Variants in PPIL1 observed in about 807,000 individuals in gnomAD.
The protein encoded by PPIL1 is peptidylprolyl isomerase like 1.
In PPIL1, 14 loss-of-function variants were observed where a neutral mutation model predicts 19.4. The ratio of observed to expected loss-of-function variants is 0.72; its 90% CI spans 0.48 to 1.13. The LOEUF (loss-of-function observed/expected upper bound fraction) is 1.13. PPIL1 is among the 50% of genes most tolerant of loss of function. PPIL1 has a pLI of 0.00. For missense variants in PPIL1, 192 were observed against 218.0 expected (o/e 0.88, Z 0.75); for synonymous variants, 72 against 73.6 (o/e 0.98, Z 0.11).
At chr6:36,873,728 T>C (rs550767992) in intron 1 of PPIL1, among the ~76,000 whole-genome samples, 10 of 151,974 alleles carry the variant, frequency 6.6e-5, no homozygotes, top group African/African-American at 1.9e-4. Flanking sequence ...CATGAGCAAA[T>C]AGAGAGAGGA....
intron 2 of PPIL1, among the ~76,000 whole-genome samples, chr6:36,859,167 C>T (rs1191073989): frequency 6.6e-6 from 1 of 152,132 alleles, no homozygotes; most frequent in African/African-American, 2.4e-5. Context: ...TGGCTCACAC[C>T]TGTAATTCCA....
At chr6:36,856,452 C>T in intron 3 of PPIL1, 134 bp downstream of exon 3, 2 of 764,460 alleles carry the variant, frequency 2.6e-6, no homozygotes, top group Non-Finnish European at 4.5e-6. Context: ...TCCACCAGGG[C>T]ACTTCATGGC....
intron 3 of PPIL1, 54 bp downstream of exon 3, chr6:36,856,532 A>C: frequency 6.6e-7 from 1 of 1,507,890 alleles, no homozygotes; most frequent in Non-Finnish European, 9.2e-7. Flanking sequence ...TGGCCAAAAG[A>C]GTGAGCTTTT....
At chr6:36,862,122 T>C (rs1277362659) in intron 2 of PPIL1, among the ~76,000 whole-genome samples, 1 of 152,208 alleles carries the variant, frequency 6.6e-6, no homozygotes, top group Non-Finnish European at 1.5e-5. Flanking sequence ...GCATGGGACA[T>C]GCAGTGTCTT....
intron 2 of PPIL1, among the ~76,000 whole-genome samples, chr6:36,865,292 T>A (rs528120888): frequency 7.2e-5 from 11 of 152,206 alleles, no homozygotes; most frequent in Non-Finnish European, 1.5e-4. Flanking sequence ...GAGTCCCAAA[T>A]GGTCCCTGAG....
At chr6:36,873,548 G>T (rs1014758849) in intron 1 of PPIL1, among the ~76,000 whole-genome samples, 1 of 152,192 alleles carries the variant, frequency 6.6e-6, no homozygotes, top group African/African-American at 2.4e-5. Context: ...CAGGAAGGAG[G>T]TGACTTTCAC....
chr6:36,870,243 A>C (rs1774481318), intron 2 of PPIL1, among the ~76,000 whole-genome samples: 1 of 152,230 alleles, frequency 6.6e-6, no homozygotes, highest in African/African-American at 2.4e-5. Flanking sequence ...AACGAGCAGA[A>C]ATTAGCAGAG....
chr6:36,874,095 C>A (rs1273174526), intron 1 of PPIL1, among the ~76,000 whole-genome samples: 1 of 152,162 alleles, frequency 6.6e-6, no homozygotes, highest in Non-Finnish European at 1.5e-5. Flanking sequence ...TTGGTCAAGG[C>A]TTTAAGCTGT....
chr6:36,866,373 G>C (rs1774393959), intron 2 of PPIL1, among the ~76,000 whole-genome samples: 2 of 152,128 alleles, frequency 1.3e-5, no homozygotes, highest in South Asian at 4.1e-4. Context: ...GAAGAGCCCA[G>C]GATGTCATTT....
At chr6:36,862,551 T>C (rs1046399402) in intron 2 of PPIL1, among the ~76,000 whole-genome samples, 2 of 152,260 alleles carry the variant, frequency 1.3e-5, no homozygotes, top group African/African-American at 2.4e-5. Flanking sequence ...TCTACAGCTC[T>C]TTCCCATCTT....
At chr6:36,858,351 T>C (rs576352582) in intron 2 of PPIL1, among the ~76,000 whole-genome samples, 5 of 151,684 alleles carry the variant, frequency 3.3e-5, no homozygotes, top group Non-Finnish European at 2.9e-5. Context: ...GTCAATCATA[T>C]GCCTTACTGA....
intron 2 of PPIL1, chr6:36,858,588 G>A (rs1471035699): frequency 2.0e-5 from 3 of 152,204 alleles, no homozygotes; most frequent in African/African-American, 7.2e-5. Context: ...TCACCACAGG[G>A]AGCCTGTCAC....
At chr6:36,869,157 T>G (rs889481739) in intron 2 of PPIL1, among the ~76,000 whole-genome samples, 1 of 152,046 alleles carries the variant, frequency 6.6e-6, no homozygotes, top group African/African-American at 2.4e-5. Flanking sequence ...GCTAATTTTT[T>G]ATTTTTTGTA....
chr6:36,856,493 C>T, intron 3 of PPIL1, 93 bp downstream of exon 3: 6 of 1,171,980 alleles, frequency 5.1e-6, no homozygotes, highest in Admixed American at 1.8e-5. Flanking sequence ...TGGCACCATG[C>T]CACGGTGTCA....
At chr6:36,861,682 T>TG (rs1471435439) in intron 2 of PPIL1, among the ~76,000 whole-genome samples, 1 of 98,754 alleles carries the variant, frequency 1.0e-5, no homozygotes, top group African/African-American at 2.7e-5. Context: ...TGATCTGTGT[T>TG]TTTTTTTTTT....
chr6:36,865,436 G>C (rs1333949183), intron 2 of PPIL1, among the ~76,000 whole-genome samples: 1 of 152,176 alleles, frequency 6.6e-6, no homozygotes, highest in Non-Finnish European at 1.5e-5. Flanking sequence ...CACATTTGAT[G>C]CATTTGTTCT....
At chr6:36,867,450 A>T (rs1774416097) in intron 2 of PPIL1, among the ~76,000 whole-genome samples, 1 of 152,284 alleles carries the variant, frequency 6.6e-6, no homozygotes, top group South Asian at 2.1e-4. Flanking sequence ...CCCTGAAACC[A>T]GTAACCAGGA....
chr6:36,871,149 C>A (rs577424347), intron 2 of PPIL1, among the ~76,000 whole-genome samples: 1 of 152,312 alleles, frequency 6.6e-6, no homozygotes, highest in African/African-American at 2.4e-5. Flanking sequence ...CACTTTCTTA[C>A]TTCATTCAGA....
At chr6:36,870,470 AAACATCTTGGGG>A (rs760540669) in intron 2 of PPIL1, among the ~76,000 whole-genome samples, 1 of 152,166 alleles carries the variant, frequency 6.6e-6, no homozygotes, top group Non-Finnish European at 1.5e-5. Flanking sequence ...CCGCGACTGA[AAACATCTTGGGG>A]GGAAGCATCT....
Sources: gnomAD v4.1 joint callset for allele counts (sites outside exome capture counted in the v4.1 genomes callset) on GRCh38, gnomAD v4.1.1 for gene constraint, MANE v1.5 for transcripts, NCBI Gene and HGNC (gene_info 2026-07-23, HGNC 2026-07-21) for gene names.